Variants in SPTB observed in about 807,000 individuals in gnomAD.
SPTB encodes spectrin beta, erythrocytic, also known as spectrin beta chain, erythrocytic.
Under a neutral mutation model 256.2 loss-of-function variants are expected in SPTB, and 45 were observed. The ratio of observed to expected loss-of-function variants is 0.18; its 90% CI spans 0.14 to 0.23. SPTB has a LOEUF of 0.23. SPTB is among the 10% of genes least tolerant of loss of function. The pLI, the probability that SPTB is intolerant of heterozygous loss-of-function variation, is 1.00. For synonymous variants in SPTB, 1,231 were observed against 1,243.1 expected (o/e 0.99, Z 0.21); for missense variants, 2,715 against 3,040.4 (o/e 0.89, Z 2.52).
rs770614242 is a variant in SPTB, at chr14:64,784,305, TGCTTTA to T, written c.3938_3943del (p.Leu1313_Lys1314del). On this transcript the variant is annotated inframe_deletion, in exon 19 of 36. Transcript: ENST00000644917. ...AGCCAGCTCTGCCACAAACGCCTGG[TGCTTTA>T]GCCATTTATTGTGAAGGTTTCGTGC... is the stretch of plus-strand genomic sequence containing the variant. The T allele has an allele frequency of 6.2e-7, 1 of 1,614,256 alleles. No individual in the cohort carries two copies. The highest frequency in any genetic ancestry group is 8.5e-7 in the Non-Finnish European group (1 of 1,180,050).
intron 1 of SPTB, among the ~76,000 whole-genome samples, chr14:64,861,119 T>C (rs147023827): frequency 6.6e-6 from 1 of 152,206 alleles, no homozygotes; most frequent in Non-Finnish European, 1.5e-5. Flanking sequence ...AAACACCGCA[T>C]GTTCTCACTC....
At chr14:64,876,211 G>A (rs938497094) in intron 1 of SPTB, among the ~76,000 whole-genome samples, 10 of 152,054 alleles carry the variant, frequency 6.6e-5, no homozygotes, top group African/African-American at 9.7e-5. Flanking sequence ...GCGCGATGTC[G>A]GTTCACTGCA....
Position 64,806,790 on chromosome 14 carries a change from T to A in SPTB, c.149-1700A>T, listed in dbSNP as rs2082993079. On this transcript the variant is annotated intron_variant, in intron 2 of 35. Transcript: ENST00000644917. The surrounding 1 kb of genome is among the most constrained non-coding windows in gnomAD (Gnocchi z 4.1). Reference sequence around the variant, plus strand: ...ACTCTATTATAAATATGACGAGGGCTTGAGTCATACATGAAGAATGAAGAA... The same window carrying A: ...ACTCTATTATAAATATGACGAGGGCATGAGTCATACATGAAGAATGAAGAA... Among the ~76,000 whole-genome samples the A allele has an allele frequency of 6.6e-6, 1 of 152,186 alleles. No homozygotes were observed. The highest frequency in any genetic ancestry group is 2.1e-4 in the South Asian group (1 of 4,834).
intron 32 of SPTB, chr14:64,756,710 C>CTA (rs1419397699): frequency 6.6e-6 from 1 of 152,226 alleles, no homozygotes; most frequent in East Asian, 1.9e-4. Context: ...GACAACAAAG[C>CTA]TAATAGGTAT....
chr14:64,752,220 G>C, intron 33 of SPTB: 2 of 1,348,432 alleles, frequency 1.5e-6, no homozygotes, highest in South Asian at 2.3e-5. Flanking sequence ...CACGTGGGAA[G>C]CATGTTGCTG....
Position 64,775,007 on chromosome 14 carries a change from C to T in SPTB, c.4842+118G>A, listed in dbSNP as rs879020232. 9.0e-6 allele frequency: 13 copies of T among 1,439,316 alleles called. No individual in the cohort carries two copies. Among genetic ancestry groups the T allele is most frequent in the South Asian group, 1.2e-5 (1 of 85,498 alleles). The allele number at this position is 1,439,316 out of a possible 1,614,324, so 89.2% of individuals were successfully genotyped here. Reference sequence around the variant, plus strand: ...GCAGGGAGTCTGTGGGTTCCTTGTGCCCCTCCCCTGGCCTCACTCCTCACA... The same window carrying T: ...GCAGGGAGTCTGTGGGTTCCTTGTGTCCCTCCCCTGGCCTCACTCCTCACA... On this transcript the variant is annotated intron_variant, in intron 23 of 35. Coordinates refer to ENST00000644917, the MANE Select transcript of SPTB (RefSeq NM_001355436.2). The surrounding 1 kb of genome is among the most constrained non-coding windows in gnomAD (Gnocchi z 5.0).
chr14:64,864,282 C>T (rs1377942206), intron 1 of SPTB, among the ~76,000 whole-genome samples: 1 of 96,604 alleles, frequency 1.0e-5, no homozygotes, highest in African/African-American at 3.3e-5. Flanking sequence ...CATAATGAGA[C>T]TTCATCTCTT....
rs76606397 is a variant in SPTB, at chr14:64,851,442, C to A, written c.-51-28297G>T. Reference sequence around the variant, plus strand: ...CCTAGCACCCAGAAAGAGTTAATATCAGTAGCAGTAGCAGTAGCAGTAGTA... The same window carrying A: ...CCTAGCACCCAGAAAGAGTTAATATAAGTAGCAGTAGCAGTAGCAGTAGTA... On this transcript the variant is annotated intron_variant, in intron 1 of 35. Transcript: ENST00000644917. 9.9e-3 allele frequency among the ~76,000 whole-genome samples: 1,502 copies of A among 151,842 alleles called. 29 individuals carry two copies. Among genetic ancestry groups the A allele is most frequent in the African/African-American group, 0.034 (1,427 of 41,382 alleles).
At chr14:64,804,896 G>A (rs371813570) in intron 3 of SPTB, 43 bp downstream of exon 3, 11 of 1,612,416 alleles carry the variant, frequency 6.8e-6, no homozygotes, top group African/African-American at 6.7e-5. Flanking sequence ...TGCTGAAGAG[G>A]GGCCGATGGC....
chr14:64,829,302 C>T (rs1169299583), intron 1 of SPTB, among the ~76,000 whole-genome samples: 1 of 152,188 alleles, frequency 6.6e-6, no homozygotes, highest in Non-Finnish European at 1.5e-5. Flanking sequence ...GCTTCTTCAA[C>T]AAGTTAGAGG....
rs80113145 is a variant in SPTB, at chr14:64,829,247, A to G, written c.-51-6102T>C. The stretch of plus-strand genomic sequence containing the variant: ...GATAAATAACAACTTGAGGAAGCAA[A>G]GAAACAAACCCAGAATGTAGGGCAT... On this transcript the variant is annotated intron_variant, in intron 1 of 35. Coordinates refer to ENST00000644917, the MANE Select transcript of SPTB (RefSeq NM_001355436.2). 1.0e-2 allele frequency among the ~76,000 whole-genome samples: 1,518 copies of G among 152,350 alleles called. 32 individuals carry two copies. Among genetic ancestry groups the G allele is most frequent in the African/African-American group, 0.035 (1,442 of 41,582 alleles).
At position 64,775,487 on chromosome 14, in the gene SPTB, ACCCTTGGT is replaced by A. The variant is rs2082343848; in HGVS notation, c.4564-92_4564-85del. On this transcript the variant is annotated intron_variant, in intron 22 of 35. Coordinates refer to ENST00000644917, the MANE Select transcript of SPTB (RefSeq NM_001355436.2). This position sits in a 1 kb window ranked among gnomAD's most constrained non-coding sequence, Gnocchi z 5.0. The stretch of plus-strand genomic sequence containing the variant: ...TCAGCAGTGGCAGCACAGCTCTGAC[ACCCTTGGT>A]CCCTCTCACCCCCGTTGCTAGAGCA... 4 of 1,521,792 alleles carry A rather than the reference ACCCTTGGT, an allele frequency of 2.6e-6. No homozygotes were observed. The highest frequency in any genetic ancestry group is 3.5e-6 in the Non-Finnish European group (4 of 1,127,566). The allele number at this position is 1,521,792 out of a possible 1,614,324, so 94.3% of individuals were successfully genotyped here. A position where few individuals can be genotyped will look rare whatever the true frequency, so the allele number is the denominator to read the frequency against.
intron 19 of SPTB, 111 bp from the exon 20 acceptor site, chr14:64,782,664 A>G (rs1025900194): frequency 6.7e-7 from 1 of 1,484,142 alleles, no homozygotes; most frequent in Non-Finnish European, 9.3e-7. Flanking sequence ...AAGGCAAAGA[A>G]TCTTCATAGA....
rs113274167 is a variant in SPTB at position 64,777,324 on chromosome 14, G to A, written c.4563+1833C>T. Among the ~76,000 whole-genome samples the A allele has an allele frequency of 5.1e-4, 78 of 152,306 alleles. No homozygotes were observed. Among genetic ancestry groups the A allele is most frequent in the African/African-American group, 1.8e-3 (74 of 41,552 alleles). On this transcript the variant is annotated intron_variant, in intron 22 of 35. Coordinates refer to ENST00000644917, the MANE Select transcript of SPTB (RefSeq NM_001355436.2). The surrounding 1 kb of genome is among the most constrained non-coding windows in gnomAD (Gnocchi z 4.5). ...AGTTTCAGAAGCAGGCAGGGGTCAGGTCAGGCAAGAGTGGTTCTTAATCCT... is the reference window on the plus strand; with the variant it reads ...AGTTTCAGAAGCAGGCAGGGGTCAGATCAGGCAAGAGTGGTTCTTAATCCT...
chr14:64,752,576 T>C (rs1448237320), intron 33 of SPTB, among the ~76,000 whole-genome samples: 4 of 152,196 alleles, frequency 2.6e-5, no homozygotes, highest in Non-Finnish European at 4.4e-5. Context: ...AATAGAAACA[T>C]CAATGTCACA....
At chr14:64,811,798 A>G (rs909592901) in intron 2 of SPTB, among the ~76,000 whole-genome samples, 2 of 152,224 alleles carry the variant, frequency 1.3e-5, no homozygotes, top group African/African-American at 4.8e-5. Context: ...TTCACTTATC[A>G]GTTGGGCAAA....
chr14:64,753,452 GC>G (rs1299196108), intron 33 of SPTB, 84 bp downstream of exon 33: 2 of 1,600,522 alleles, frequency 1.2e-6, no homozygotes, highest in African/African-American at 2.7e-5. Context: ...CCCAGCACAT[GC>G]CCATGTCACC....
In SPTB at chr14:64,746,589, T is replaced by C. The variant is rs1400362433; in HGVS notation, c.*2717A>G. On this transcript the variant is annotated 3_prime_UTR_variant, in exon 36 of 36. Coordinates refer to ENST00000644917, the MANE Select transcript of SPTB (RefSeq NM_001355436.2). The surrounding 1 kb of genome is among the most constrained non-coding windows in gnomAD (Gnocchi z 4.9). ...CCTAGGGGACCCTGGCTCCCTCCGA[T>C]AGGCAGGAAGGAGGAGGGATGCGGA... is the stretch of plus-strand genomic sequence containing the variant. 1 of 152,398 alleles carries C rather than the reference T, an allele frequency of 6.6e-6. No individual in the cohort carries two copies. Among genetic ancestry groups the C allele is most frequent in the Non-Finnish European group, 1.5e-5 (1 of 68,042 alleles). 9.4% of individuals were successfully genotyped at this position (152,398 alleles called of 1,614,324 possible).
At position 64,801,269 on chromosome 14, in the gene SPTB, G is replaced by A. The variant is rs2139627965; in HGVS notation, c.763+16C>T. 6.2e-7 allele frequency: 1 copy of A among 1,600,314 alleles called. No individual in the cohort carries two copies. The highest frequency in any genetic ancestry group is 1.1e-5 in the South Asian group (1 of 90,802). ...CACTGCTGCAGCAAAGGCTGGCAGG[G>A]GTGGGTGTGGCTCACCTTCGGGGTC... On this transcript the variant is annotated intron_variant, in intron 7 of 35. Transcript: ENST00000644917.
Sources: gnomAD v4.1 joint callset for allele counts (sites outside exome capture counted in the v4.1 genomes callset) on GRCh38, gnomAD v4.1.1 for gene constraint, Gnocchi (gnomAD v3.1) non-coding constraint, MANE v1.5 for transcripts, NCBI Gene and HGNC (gene_info 2026-07-23, HGNC 2026-07-21) for gene names.